KIF9: variants seen among roughly 807,000 people sequenced by gnomAD.
KIF9 encodes kinesin-like protein KIF9.
Under a neutral mutation model 94.8 loss-of-function variants are expected in KIF9, and 68 were observed. That is an observed-to-expected ratio of 0.72 (90% CI 0.59 to 0.88). The LOEUF is 0.88. KIF9 is among the 40% of genes least tolerant of loss of function. The pLI, the probability that KIF9 is intolerant of heterozygous loss-of-function variation, is 0.00. For synonymous variants in KIF9, 343 were observed against 362.1 expected, an observed-to-expected ratio of 0.95 and a Z score of 0.60; for missense variants, 882 against 982.5, an observed-to-expected ratio of 0.90 and a Z score of 1.37.
rs1418164820 is a variant in KIF9, at chr3:47,271,372, G to A, written c.456C>T (p.Leu152=). 6.2e-7 allele frequency: 1 copy of A among 1,614,012 alleles called. No homozygotes were observed. Among genetic ancestry groups the A allele is most frequent in the Non-Finnish European group, 8.5e-7 (1 of 1,179,952 alleles). ...GTCCAACATAGGGCAGAGTGGACAG[G>A]AGATCAAACAGGCTCTCATTATAGA... ...LEIYNESLFD[L]LSTLPYVGPS... The change falls in exon 5 of 21, where the codon CTC becomes CTT. Residue 152 remains leucine (L), a synonymous_variant. Transcript: ENST00000684063.
chr3:47,264,643 G>C (rs1019704967), intron 8 of KIF9, among the ~76,000 whole-genome samples: 2 of 152,136 alleles, frequency 1.3e-5, no homozygotes, highest in Non-Finnish European at 2.9e-5. Flanking sequence ...TTGCTATGTT[G>C]CCCAGGCTGG....
intron 20 of KIF9, among the ~76,000 whole-genome samples, chr3:47,230,992 T>C (rs1052300204): frequency 2.6e-5 from 4 of 152,082 alleles, no homozygotes; most frequent in African/African-American, 9.7e-5. Flanking sequence ...TAAGCCGAGA[T>C]TGCGCCACTT....
chr3:47,228,806 C>T lies in KIF9; in HGVS notation c.2323-104G>A, dbSNP rs550435745. The T allele has an allele frequency of 1.8e-4, 162 of 881,524 alleles. 1 individual carries two copies. In the East Asian group the frequency reaches 2.6e-3, roughly 14 times the overall value. The allele number at this position is 881,524 out of a possible 1,614,324, so 54.6% of individuals were successfully genotyped here. A position where few individuals can be genotyped will look rare whatever the true frequency, so the allele number is the denominator to read the frequency against. Reference sequence around the variant, plus strand: ...TTCACCCTATCATTCCTCCTGCAAACATCATGGGTTGTGGACAAGGATTCC... The same window carrying T: ...TTCACCCTATCATTCCTCCTGCAAATATCATGGGTTGTGGACAAGGATTCC... On this transcript the variant is annotated intron_variant, in intron 20 of 20. Coordinates refer to ENST00000684063, the MANE Select transcript of KIF9 (RefSeq NM_182902.4).
chr3:47,230,181 G>A (rs1170976773), intron 20 of KIF9, among the ~76,000 whole-genome samples: 2 of 152,130 alleles, frequency 1.3e-5, no homozygotes, highest in African/African-American at 4.8e-5. Context: ...GGGAAGCTGA[G>A]GTGAGATGAT....
In KIF9 at chr3:47,242,979, G is replaced by A. The variant is rs1021423719; in HGVS notation, c.1709+72C>T. Reference sequence around the variant, plus strand: ...TATTTTATTTCTCTTTTATCTGCAGGTACTCTTCACATGTTGAGGATCACA... The same window carrying A: ...TATTTTATTTCTCTTTTATCTGCAGATACTCTTCACATGTTGAGGATCACA... On this transcript the variant is annotated intron_variant, in intron 16 of 20. Transcript: ENST00000684063. 1.2e-5 allele frequency: 15 copies of A among 1,203,370 alleles called. No homozygotes were observed. In the African/African-American group the frequency reaches 2.3e-4, roughly 18 times the overall value. 74.5% of individuals were successfully genotyped at this position (1,203,370 alleles called of 1,614,324 possible). A position where few individuals can be genotyped will look rare whatever the true frequency, so the allele number is the denominator to read the frequency against.
chr3:47,272,559 T>C (rs1023918853), intron 4 of KIF9, among the ~76,000 whole-genome samples: 2 of 152,198 alleles, frequency 1.3e-5, no homozygotes, highest in African/African-American at 4.8e-5. Flanking sequence ...ATAAAATATG[T>C]ACTGGATTTC....
chr3:47,267,965 G>A (rs1489058607), intron 5 of KIF9, among the ~76,000 whole-genome samples: 7 of 148,092 alleles, frequency 4.7e-5, no homozygotes, highest in African/African-American at 7.5e-5. Context: ...TCTGCCTCCC[G>A]GGCCCAAGCC....
chr3:47,252,653 A>T (rs993253611), intron 10 of KIF9, among the ~76,000 whole-genome samples: 4 of 152,100 alleles, frequency 2.6e-5, no homozygotes, highest in Admixed American at 6.6e-5. Flanking sequence ...AGACAGGTAC[A>T]ACGTCCACCC....
chr3:47,267,026 T>A lies in KIF9; in HGVS notation c.718A>T (p.Lys240Ter), dbSNP rs754979358. The A allele has an allele frequency of 3.1e-6, 5 of 1,613,828 alleles. No individual in the cohort carries two copies. Among genetic ancestry groups the A allele is most frequent in the Non-Finnish European group, 4.2e-6 (5 of 1,180,030 alleles). ...CCTGCCAGATCCACCAAGTTAATTT[T>A]GGAAGTGATGTACTTTTCCTCTGAT... is the stretch of plus-strand genomic sequence containing the variant. ...TLSEEKYITS[K>*]INLVDLAGSE... Residue 240 changes from lysine (K) to a stop codon, truncating the protein, a stop_gained, in exon 7 of 21, where the codon AAA (lysine) becomes TAA (stop). Coordinates refer to ENST00000684063, the MANE Select transcript of KIF9 (RefSeq NM_182902.4). LOFTEE classifies it high-confidence loss of function.
At chr3:47,277,152 G>C (rs1402780963) in intron 2 of KIF9, 130 bp downstream of exon 2, 1 of 486,288 alleles carries the variant, frequency 2.1e-6, no homozygotes, top group Admixed American at 4.0e-5. Context: ...GGATTTGATG[G>C]GCTCTAGAGT....
intron 20 of KIF9, among the ~76,000 whole-genome samples, chr3:47,229,031 A>T (rs1456735340): frequency 6.6e-6 from 1 of 152,238 alleles, no homozygotes; most frequent in East Asian, 1.9e-4. Flanking sequence ...CTATCTCCAG[A>T]GGAGTTAGGG....
intron 17 of KIF9, among the ~76,000 whole-genome samples, chr3:47,237,795 A>G (rs1228639767): frequency 6.6e-6 from 1 of 152,256 alleles, no homozygotes; most frequent in South Asian, 2.1e-4. Context: ...CATTAATGGA[A>G]AAGCAAATGT....
At chr3:47,258,973 T>C (rs531726429) in intron 9 of KIF9, among the ~76,000 whole-genome samples, 1 of 152,264 alleles carries the variant, frequency 6.6e-6, no homozygotes, top group South Asian at 2.1e-4. Context: ...GTGGCTGCCA[T>C]AGTGGCCAGT....
In KIF9 at chr3:47,256,029, C is replaced by T. The variant is rs949339271; in HGVS notation, c.1059+1454G>A. 1.2e-4 allele frequency among the ~76,000 whole-genome samples: 19 copies of T among 152,324 alleles called. 1 individual carries two copies. Among genetic ancestry groups the T allele is most frequent in the African/African-American group, 4.6e-4 (19 of 41,582 alleles). ...CGCCAGCCCCGGCCTCCCGAGGTGC[C>T]GGGATTGCAGACGGAGTCTCGTTCA... On this transcript the variant is annotated intron_variant, in intron 10 of 20. Coordinates refer to ENST00000684063, the MANE Select transcript of KIF9 (RefSeq NM_182902.4).
chr3:47,263,873 C>G (rs1174608963), intron 9 of KIF9: 1 of 457,524 alleles, frequency 2.2e-6, no homozygotes, highest in South Asian at 1.5e-5. Flanking sequence ...TCTGCTCATA[C>G]TGGCCTTATA....
intron 4 of KIF9, among the ~76,000 whole-genome samples, chr3:47,272,987 G>C (rs1245133894): frequency 6.6e-6 from 1 of 152,134 alleles, no homozygotes; most frequent in African/African-American, 2.4e-5. Context: ...TCCTACCTCC[G>C]ACCAGAGGGT....
At chr3:47,275,526 T>C in intron 2 of KIF9, 36 bp from the exon 3 acceptor site, 1 of 1,550,060 alleles carries the variant, frequency 6.5e-7, no homozygotes, top group Non-Finnish European at 8.8e-7. Flanking sequence ...AAAATGTTAT[T>C]TGTTCAAAAA....
chr3:47,267,805 GTTT>G lies in KIF9; in HGVS notation c.592-545_592-543del, dbSNP rs775734518. On this transcript the variant is annotated intron_variant, in intron 5 of 20. Coordinates refer to ENST00000684063, the MANE Select transcript of KIF9 (RefSeq NM_182902.4). ...TTATCTTTTTTATACAGTTTTGTGG[GTTT>G]TTTTTAGTGAGCATGTATTACTATA... 7.4e-5 allele frequency among the ~76,000 whole-genome samples: 11 copies of G among 147,746 alleles called. No homozygotes were observed. The East Asian group carries it at 1.8e-3, about 24-fold the overall frequency.
intron 17 of KIF9, among the ~76,000 whole-genome samples, chr3:47,238,864 C>T (rs1473151288): frequency 6.6e-6 from 1 of 152,016 alleles, no homozygotes; most frequent in Admixed American, 6.6e-5. Flanking sequence ...AGGGTTTCAC[C>T]GTGTTAGCCA....
Sources: allele counts gnomAD v4.1 joint callset (sites outside exome capture counted in the v4.1 genomes callset), GRCh38; gene constraint gnomAD v4.1.1; transcripts MANE v1.5; gene names NCBI Gene and HGNC (gene_info 2026-07-23, HGNC 2026-07-21).